ATAD2: variants seen among roughly 807,000 people sequenced by gnomAD.
ATAD2 encodes ATPase family AAA domain-containing protein 2.
In ATAD2, 62 loss-of-function variants were observed where a neutral mutation model predicts 168.9. That is an observed-to-expected ratio of 0.37 (90% confidence interval 0.30 to 0.45). The LOEUF (loss-of-function observed/expected upper bound fraction) is 0.45, where lower values mean the gene tolerates loss of function less well. Among genes scored for constraint, ATAD2 ranks in the 20% least tolerant of loss-of-function variants. The pLI, the probability that ATAD2 is intolerant of heterozygous loss-of-function variation, is 1.00. For missense variants in ATAD2, 1,419 were observed against 1,667.8 expected, an observed-to-expected ratio of 0.85 and a Z score of 2.60; for synonymous variants, 613 against 571.6, an observed-to-expected ratio of 1.07 and a Z score of -1.03.
chr8:123,363,154 T>C (rs1426694098), intron 8 of ATAD2, among the ~76,000 whole-genome samples: 1 of 152,162 alleles, frequency 6.6e-6, no homozygotes, highest in Non-Finnish European at 1.5e-5. Context: ...TTTCCAAAAA[T>C]ACAAAAGGTT....
intron 1 of ATAD2, among the ~76,000 whole-genome samples, chr8:123,385,312 A>AG (rs1261580638): frequency 6.6e-6 from 1 of 152,198 alleles, no homozygotes; most frequent in Non-Finnish European, 1.5e-5. Context: ...ATTAAAAGAG[A>AG]GAAAAAAAAG....
At chr8:123,343,404 C>T (rs111764227) in intron 19 of ATAD2, among the ~76,000 whole-genome samples, 1,811 of 152,200 alleles carry the variant, frequency 0.012, 40 homozygotes, top group African/African-American at 0.042. Flanking sequence ...TTTAAAACTT[C>T]TCTCCCCCAC....
chr8:123,368,372 C>T (rs1440153293), intron 8 of ATAD2, among the ~76,000 whole-genome samples: 7 of 152,138 alleles, frequency 4.6e-5, no homozygotes. Flanking sequence ...AAGCCAAGAT[C>T]GTGCCACTGC....
chr8:123,334,227 C>T lies in ATAD2; in HGVS notation c.3307G>A (p.Glu1103Lys). 2 of 1,592,876 alleles carry T rather than the reference C, an allele frequency of 1.3e-6. No homozygotes were observed. The highest frequency in any genetic ancestry group is 2.3e-5 in the South Asian group (2 of 86,354). ...LDEDFEQLCE[E>K]IQESRKKRGC... is the part of the protein sequence containing the mutation. ...CTTTTCTTTCTAGATTCCTGAATTTCTTCACAGAGCTGCTCAAAGTCTTCA... is the reference window on the plus strand; with the variant it reads ...CTTTTCTTTCTAGATTCCTGAATTTTTTCACAGAGCTGCTCAAAGTCTTCA... The change falls in exon 23 of 28, where the codon GAA becomes AAA. Residue 1103 changes from glutamate (E) to lysine (K), a missense_variant. Transcript: ENST00000287394.
intron 1 of ATAD2, among the ~76,000 whole-genome samples, chr8:123,403,069 C>A (rs1813027383): frequency 6.6e-6 from 1 of 152,104 alleles, no homozygotes; most frequent in Non-Finnish European, 1.5e-5. Flanking sequence ...AGATGGCGCG[C>A]TTCAAGAGCA....
Position 123,396,400 on chromosome 8 carries a change from T to C in ATAD2, c.-43A>G, listed in dbSNP as rs1563868725. 6 of 1,505,296 alleles carry C rather than the reference T, an allele frequency of 4.0e-6. No individual in the cohort carries two copies. Among genetic ancestry groups the C allele is most frequent in the South Asian group, 3.7e-5 (3 of 80,094 alleles). 93.2% of individuals were successfully genotyped at this position (1,505,296 alleles called of 1,614,324 possible). A position where few individuals can be genotyped will look rare whatever the true frequency, so the allele number is the denominator to read the frequency against. ...CTCGGCGTGCGCGACCGGAGAGAGA[T>C]CCAGCTCCAGGCGCTCGCAGCTCTG... is the stretch of plus-strand genomic sequence containing the variant. On this transcript the variant is annotated 5_prime_UTR_variant, in exon 1 of 28. Coordinates refer to ENST00000287394, the MANE Select transcript of ATAD2 (RefSeq NM_014109.4).
At chr8:123,346,295 G>A (rs1294766523) in intron 17 of ATAD2, 23 bp from the exon 18 acceptor site, 6 of 1,536,908 alleles carry the variant, frequency 3.9e-6, no homozygotes, top group Middle Eastern at 1.9e-4. Context: ...TGATTAATAA[G>A]CTATGTTTTA....
intron 13 of ATAD2, among the ~76,000 whole-genome samples, chr8:123,353,283 G>C (rs2089256193): frequency 1.3e-5 from 2 of 152,008 alleles, no homozygotes; most frequent in South Asian, 4.2e-4. Flanking sequence ...AGAATAGCTT[G>C]AACCTGGGAG....
At chr8:123,398,947 G>T (rs1280212866), upstream of ATAD2, among the ~76,000 whole-genome samples, 1 of 152,018 alleles carries the variant, frequency 6.6e-6, no homozygotes, top group Non-Finnish European at 1.5e-5. Context: ...AAGTAGCAGA[G>T]TTTACTATTA....
chr8:123,374,943 TTC>T lies in ATAD2; in HGVS notation c.321-2259_321-2258del, dbSNP rs576676733. ...CCTCATGACACAGTTACTCATATCT[TTC>T]TGTCTTTTTCTAACAATCTTGATCC... is the stretch of plus-strand genomic sequence containing the variant. On this transcript the variant is annotated intron_variant, in intron 2 of 27. Coordinates refer to ENST00000287394, the MANE Select transcript of ATAD2 (RefSeq NM_014109.4). Among the ~76,000 whole-genome samples the T allele has an allele frequency of 1.3e-3, 201 of 152,256 alleles. 1 individual carries two copies. The highest frequency in any genetic ancestry group is 4.7e-3 in the African/African-American group (194 of 41,558).
At chr8:123,347,509 C>A (rs9297666) in intron 15 of ATAD2, 103 bp from the exon 16 acceptor site, 1 of 1,155,844 alleles carries the variant, frequency 8.7e-7, no homozygotes, top group Non-Finnish European at 1.2e-6. Flanking sequence ...AAAAATCAGC[C>A]TCGGAATATA....
intron 1 of ATAD2, among the ~76,000 whole-genome samples, chr8:123,389,295 T>C (rs746112669): frequency 6.7e-6 from 1 of 148,338 alleles, no homozygotes; most frequent in Non-Finnish European, 1.5e-5. Flanking sequence ...CTGTTTTCTA[T>C]TCATCCTCAA....
In ATAD2 at chr8:123,361,641, C is replaced by T; in HGVS notation, c.1055G>A (p.Arg352Lys). The change falls in exon 9 of 28, where the codon AGG (arginine) becomes AAG (lysine). Residue 352 changes from arginine (R) to lysine (K), a missense_variant. Physicochemically the swap from Arg to Lys is conservative, Grantham distance 26. Coordinates refer to ENST00000287394, the MANE Select transcript of ATAD2 (RefSeq NM_014109.4). ...SPYCKRMNRR[R>K]HAIHSSDSTS... ...CGAGTCACTACTGTGGATTGCATGCCTTCGCCTAAAGTAAAAAACAAAATT... is the reference window on the plus strand; with the variant it reads ...CGAGTCACTACTGTGGATTGCATGCTTTCGCCTAAAGTAAAAAACAAAATT... 6.2e-7 allele frequency: 1 copy of T among 1,603,308 alleles called. No homozygotes were observed. The highest frequency in any genetic ancestry group is 8.5e-7 in the Non-Finnish European group (1 of 1,171,524).
intron 1 of ATAD2, chr8:123,401,638 C>G (rs764344772): frequency 3.5e-5 from 31 of 894,122 alleles, no homozygotes; most frequent in Admixed American, 5.3e-5. Context: ...ATGCCCGGCA[C>G]TTTGGTGTGC....
intron 17 of ATAD2, 46 bp from the exon 18 acceptor site, chr8:123,346,318 T>A (rs1462043302): frequency 1.4e-6 from 2 of 1,476,276 alleles, no homozygotes; most frequent in Non-Finnish European, 1.8e-6. Context: ...AAAAACAGTT[T>A]AAATTTTCCC....
intron 8 of ATAD2, among the ~76,000 whole-genome samples, chr8:123,368,511 A>G (rs1185339031): frequency 6.6e-6 from 1 of 152,224 alleles, no homozygotes; most frequent in African/African-American, 2.4e-5. Context: ...GTTGGGATGT[A>G]GAAGGAAAAG....
intron 26 of ATAD2, among the ~76,000 whole-genome samples, chr8:123,324,774 G>A (rs1827561490): frequency 6.6e-6 from 1 of 152,208 alleles, no homozygotes; most frequent in African/African-American, 2.4e-5. Context: ...CTATTAGGAT[G>A]TCATTTTATT....
rs1827597022 is a variant in ATAD2 at position 123,325,741 on chromosome 8, G to C, written c.4002+152C>G. On this transcript the variant is annotated intron_variant, in intron 26 of 27. Coordinates refer to ENST00000287394, the MANE Select transcript of ATAD2 (RefSeq NM_014109.4). ...TGACCTAGTCTTAATTTGGAACAGG[G>C]GAAGGAGAAGAACAGTAAAGGGAAG... 3.0e-6 allele frequency: 3 copies of C among 1,004,206 alleles called. No individual in the cohort carries two copies. The South Asian group carries it at 5.1e-5, about 17-fold the overall frequency. The allele number at this position is 1,004,206 out of a possible 1,614,324, so 62.2% of individuals were successfully genotyped here. A position where few individuals can be genotyped will look rare whatever the true frequency, so the allele number is the denominator to read the frequency against.
rs180842548 is a variant in ATAD2 at position 123,391,260 on chromosome 8, T to C, written c.171+4927A>G. 2.2e-4 allele frequency among the ~76,000 whole-genome samples: 33 copies of C among 150,760 alleles called. 1 individual carries two copies. Among genetic ancestry groups the C allele is most frequent in the African/African-American group, 7.5e-4 (31 of 41,114 alleles). On this transcript the variant is annotated intron_variant, in intron 1 of 27. Coordinates refer to ENST00000287394, the MANE Select transcript of ATAD2 (RefSeq NM_014109.4). ...AGTCATAAAGTTGGTAGGATGAAAA[T>C]AGAAGTTTTAAAAAAACAACAAAAA...
Sources: gnomAD v4.1 joint callset for allele counts (sites outside exome capture counted in the v4.1 genomes callset) on GRCh38, gnomAD v4.1.1 for gene constraint, MANE v1.5 for transcripts, NCBI Gene and HGNC (gene_info 2026-07-23, HGNC 2026-07-21) for gene names.